KANK2: variants seen among roughly 807,000 people sequenced by gnomAD.
The protein encoded by KANK2 is KN motif and ankyrin repeat domain-containing protein 2.
In KANK2, 41 loss-of-function variants were observed where a neutral mutation model predicts 74.6. That is an observed-to-expected ratio of 0.55 (90% CI 0.43 to 0.71). KANK2 has a LOEUF of 0.71. Among genes scored for constraint, KANK2 ranks in the 30% least tolerant of loss-of-function variants. The probability of loss-of-function intolerance (pLI) is 0.00; values close to 1 mark genes in which losing one functional copy is unlikely to be tolerated. For synonymous variants in KANK2, 537 were observed against 519.0 expected, an observed-to-expected ratio of 1.03 and a Z score of -0.47; for missense variants, 1,148 against 1,196.4, an observed-to-expected ratio of 0.96 and a Z score of 0.60.
chr19:11,176,930 G>T, intron 6 of KANK2, 113 bp from the exon 7 acceptor site: 1 of 1,235,156 alleles, frequency 8.1e-7, no homozygotes, highest in Non-Finnish European at 1.1e-6. Context: ...TTCCCCATCT[G>T]TTCAATGGCA....
At chr19:11,176,947 A>C (rs2078359359) in intron 6 of KANK2, 130 bp from the exon 7 acceptor site, 5 of 1,084,504 alleles carry the variant, frequency 4.6e-6, no homozygotes, top group Non-Finnish European at 6.3e-6. Context: ...GGCAGTATTG[A>C]CATTCCAGGG....
At chr19:11,177,780 C>G (rs994252104) in intron 6 of KANK2, among the ~76,000 whole-genome samples, 1 of 152,122 alleles carries the variant, frequency 6.6e-6, no homozygotes, top group African/African-American at 2.4e-5. Context: ...GGCCCCAAAC[C>G]AACCATCACT....
intron 4 of KANK2, among the ~76,000 whole-genome samples, chr19:11,184,171 T>G (rs2147521989): frequency 6.6e-6 from 1 of 151,676 alleles, no homozygotes; most frequent in South Asian, 2.1e-4. Flanking sequence ...GAGTCAGGAG[T>G]TCGAGATCAG....
At position 11,166,584 on chromosome 19, in the gene KANK2, G is replaced by A; in HGVS notation, c.2530C>T (p.Pro844Ser). 1 of 1,614,202 alleles carries A rather than the reference G, an allele frequency of 6.2e-7. No individual in the cohort carries two copies. Among genetic ancestry groups the A allele is most frequent in the Non-Finnish European group, 8.5e-7 (1 of 1,180,020 alleles). The change falls in exon 13 of 13, where the codon CCT becomes TCT. Residue 844 changes from proline (P) to serine (S), a missense_variant. Transcript: ENST00000586659. The part of the protein sequence containing the change: ...SFAPMSDDES[P>S]TSSSAEE The stretch of plus-strand genomic sequence containing the variant: ...TACTCTTCTGCCGAGGATGATGTAG[G>A]GCTCTCGTCATCTGACATTGGGGCA...
In KANK2 at chr19:11,178,684, G is replaced by A. The variant is rs754363529; in HGVS notation, c.1286C>T (p.Pro429Leu). The A allele has an allele frequency of 6.5e-7, 1 of 1,543,452 alleles. No individual in the cohort carries two copies. Among genetic ancestry groups the A allele is most frequent in the South Asian group, 1.2e-5 (1 of 81,148 alleles). Residue 429 changes from proline to leucine, a missense_variant, in exon 5 of 13, where the codon CCC becomes CTC. Coordinates refer to ENST00000586659, the MANE Select transcript of KANK2 (RefSeq NM_001136191.3). ...PEVPAESSSS[P>L]PGSEVASLTQ... ...AAGGGAGGCTACCTCGGACCCCGGGGGTGACGAAGACGATTCGGCAGGAAC... is the reference window on the plus strand; with the variant it reads ...AAGGGAGGCTACCTCGGACCCCGGGAGTGACGAAGACGATTCGGCAGGAAC...
chr19:11,183,152 TGA>T (rs1360305456), intron 4 of KANK2, among the ~76,000 whole-genome samples: 2 of 152,218 alleles, frequency 1.3e-5, no homozygotes, highest in East Asian at 3.9e-4. Flanking sequence ...AGTTGGTCTG[TGA>T]GAGAGTAAAA....
Position 11,174,508 on chromosome 19 carries a change from G to T in KANK2, c.2033C>A (p.Ala678Asp). The T allele has an allele frequency of 1.2e-6, 2 of 1,613,278 alleles. No individual in the cohort carries two copies. Among genetic ancestry groups the T allele is most frequent in the South Asian group, 2.2e-5 (2 of 90,870 alleles). Residue 678 changes from alanine to aspartate, a missense_variant, in exon 9 of 13, where the codon GCC becomes GAC. Physicochemically the swap from Ala to Asp is moderately radical, Grantham distance 126. Coordinates refer to ENST00000586659, the MANE Select transcript of KANK2 (RefSeq NM_001136191.3). ...CAGCTGCTGCACCACGGGGAAGTTG[G>T]CATGAGACACGGAGTAGTGCAGGGC... is the stretch of plus-strand genomic sequence containing the variant. ...NTALHYSVSH[A>D]NFPVVQQLLD...
rs774375551 is a variant in KANK2, at chr19:11,166,301, C to T, written c.*257G>A. 107 of 412,776 alleles carry T rather than the reference C, an allele frequency of 2.6e-4. No individual in the cohort carries two copies. Among genetic ancestry groups the T allele is most frequent in the Middle Eastern group, 6.4e-4 (1 of 1,572 alleles). 25.6% of individuals were successfully genotyped at this position (412,776 alleles called of 1,614,324 possible). ...ACCCACACCCCAGCATCAGCCCTGG[C>T]GCCAATGTATACAAGAATTTTGCTT... On this transcript the variant is annotated 3_prime_UTR_variant, in exon 13 of 13. Transcript: ENST00000586659.
At chr19:11,167,798 G>C (rs1165865465) in intron 12 of KANK2, among the ~76,000 whole-genome samples, 1 of 151,950 alleles carries the variant, frequency 6.6e-6, no homozygotes, top group Non-Finnish European at 1.5e-5. Flanking sequence ...AAAGTGCTGG[G>C]ATTACAGGCG....
chr19:11,172,753 C>G (rs1205728448), intron 10 of KANK2, among the ~76,000 whole-genome samples: 1 of 152,142 alleles, frequency 6.6e-6, no homozygotes, highest in Non-Finnish European at 1.5e-5. Context: ...AGCTGCTGCT[C>G]AATGAACTGT....
At position 11,193,899 on chromosome 19, in the gene KANK2, G is replaced by A. The variant is rs747769949; in HGVS notation, c.181C>T (p.Arg61Cys). Reference sequence around the variant, plus strand: ...CGGGGGCGGCGCTGCACTGCCACGCGTCGCAGCGTGTGGCCCTTCTCGATG... The same window carrying A: ...CGGGGGCGGCGCTGCACTGCCACGCATCGCAGCGTGTGGCCCTTCTCGATG... ...DDIEKGHTLR[R>C]VAVQRRPRLS... Residue 61 changes from arginine (R) to cysteine (C), a missense_variant, in exon 4 of 13, where the codon CGC becomes TGC. Coordinates refer to ENST00000586659, the MANE Select transcript of KANK2 (RefSeq NM_001136191.3). The surrounding 1 kb of genome is among the most constrained non-coding windows in gnomAD (Gnocchi z 9.6). The A allele has an allele frequency of 1.2e-5, 19 of 1,613,666 alleles. No individual in the cohort carries two copies. Among genetic ancestry groups the A allele is most frequent in the Admixed American group, 1.7e-5 (1 of 60,006 alleles).
chr19:11,193,115 TCCGGCGGTGGCCAGG>T lies in KANK2; in HGVS notation c.950_964del (p.Ala317_Pro321del). 6.2e-7 allele frequency: 1 copy of T among 1,606,240 alleles called. No individual in the cohort carries two copies. The highest frequency in any genetic ancestry group is 8.5e-7 in the Non-Finnish European group (1 of 1,176,042). ...GACTGTATCCACGCGGACCGGGCTG[TCCGGCGGTGGCCAGG>T]CCTGGGGCTGGGGGTCAGCCTGCCG... On this transcript the variant is annotated inframe_deletion, in exon 4 of 13. Coordinates refer to ENST00000586659, the MANE Select transcript of KANK2 (RefSeq NM_001136191.3). This position sits in a 1 kb window ranked among gnomAD's most constrained non-coding sequence, Gnocchi z 9.6.
intron 4 of KANK2, among the ~76,000 whole-genome samples, chr19:11,185,157 C>T (rs533094281): frequency 2.0e-5 from 3 of 148,408 alleles, no homozygotes; most frequent in African/African-American, 7.4e-5. Context: ...TGGTGGCTCA[C>T]GCCTGTAATC....
intron 4 of KANK2, among the ~76,000 whole-genome samples, chr19:11,187,178 A>G (rs1464801905): frequency 4.0e-5 from 6 of 151,784 alleles, no homozygotes; most frequent in Admixed American, 3.3e-4. Flanking sequence ...AATTGCTTGA[A>G]CCCGGGAGGC....
At position 11,193,160 on chromosome 19, in the gene KANK2, T is replaced by C. The variant is rs370398113; in HGVS notation, c.920A>G (p.Gln307Arg). 278 of 1,610,002 alleles carry C rather than the reference T, an allele frequency of 1.7e-4. No individual in the cohort carries two copies. Among genetic ancestry groups the C allele is most frequent in the Non-Finnish European group, 2.2e-4 (264 of 1,178,956 alleles). The part of the protein sequence containing the change: ...KKALQELQAA[Q>R]ARQADPQPQA... ...GGGCTGGGGGTCAGCCTGCCGGGCC[T>C]GAGCTGCCTGCAGCTCCTGCAGCGC... Residue 307 changes from glutamine to arginine, a missense_variant, in exon 4 of 13, where the codon CAG becomes CGG. Coordinates refer to ENST00000586659, the MANE Select transcript of KANK2 (RefSeq NM_001136191.3). The surrounding 1 kb of genome is among the most constrained non-coding windows in gnomAD (Gnocchi z 9.6).
chr19:11,192,903 C>T lies in KANK2; in HGVS notation c.1177G>A (p.Ala393Thr), dbSNP rs755672192. ...EVVETMCPVP[A>T]AATSNVHMVK... is the part of the protein sequence containing the mutation. ...ATATGGACGTTGCTGGTAGCTGCAGCGGGCACTGGGCACATTGTCTCCACC... is the reference window on the plus strand; with the variant it reads ...ATATGGACGTTGCTGGTAGCTGCAGTGGGCACTGGGCACATTGTCTCCACC... Residue 393 changes from alanine (A) to threonine (T), a missense_variant, in exon 4 of 13, where the codon GCT (alanine) becomes ACT (threonine). By Grantham distance (58) the Ala-to-Thr change is moderately conservative (BLOSUM62 0). Transcript: ENST00000586659. 6.7e-5 allele frequency: 108 copies of T among 1,613,990 alleles called. No individual in the cohort carries two copies. The Admixed American group carries it at 9.2e-4, about 14-fold the overall frequency.
chr19:11,195,976 C>G (rs2079006846), intron 1 of KANK2, 156 bp from the exon 2 acceptor site: 1 of 149,854 alleles, frequency 6.7e-6, no homozygotes, highest in African/African-American at 2.5e-5. Context: ...ATTGGAATAG[C>G]CGAGCGGGGT....
At chr19:11,166,803 G>A (rs190952055) in intron 12 of KANK2, among the ~76,000 whole-genome samples, 192 bp from the exon 13 acceptor site, 2 of 152,180 alleles carry the variant, frequency 1.3e-5, no homozygotes, top group Non-Finnish European at 2.9e-5. Context: ...GATGTTCACC[G>A]GGGGTGAGGG....
At chr19:11,176,217 G>A (rs1461112503) in intron 7 of KANK2, among the ~76,000 whole-genome samples, 1 of 152,174 alleles carries the variant, frequency 6.6e-6, no homozygotes, top group Non-Finnish European at 1.5e-5. Context: ...TATTCCAAAT[G>A]CCCACTGGCA....
Sources: gnomAD v4.1 joint callset for allele counts (sites outside exome capture counted in the v4.1 genomes callset) on GRCh38, gnomAD v4.1.1 for gene constraint, Gnocchi (gnomAD v3.1) non-coding constraint, MANE v1.5 for transcripts, NCBI Gene and HGNC (gene_info 2026-07-23, HGNC 2026-07-21) for gene names.